Variants in KLLN observed in about 807,000 individuals in gnomAD.
KLLN encodes the protein killin, p53 regulated DNA replication inhibitor.
For missense variants in KLLN, 340 were observed against 241.3 expected (o/e 1.41, Z -2.71); for synonymous variants, 142 against 102.2 (o/e 1.39, Z -2.35).
chr10:87,862,387 G>C lies in KLLN; in HGVS notation c.101C>G (p.Pro34Arg), dbSNP rs1041291843. The C allele has an allele frequency of 1.3e-6, 2 of 1,551,510 alleles. No homozygotes were observed. Among genetic ancestry groups the C allele is most frequent in the African/African-American group, 1.4e-5 (1 of 73,020 alleles). ...WKVRNGRKLQ[P>R]SEWAGRGDLG... ...GTCTCCTCGCCCCGCCCACTCGCTG[G>C]GCTGCAGCTTCCTACCGTTCCGTAC... The change falls in exon 1 of 1, where the codon CCC becomes CGC. Residue 34 changes from proline (P) to arginine (R), a missense_variant. Physicochemically the swap from Pro to Arg is moderately radical, Grantham distance 103. Coordinates refer to ENST00000445946, the MANE Select transcript of KLLN (RefSeq NM_001126049.2).
Position 87,859,227 on chromosome 10 carries a change from A to G in KLLN, c.*2724T>C, listed in dbSNP as rs1479098653. On this transcript the variant is annotated 3_prime_UTR_variant, in exon 1 of 1. Transcript: ENST00000445946. ...TGTTTGTTATTAGGATAAATGAAATAAGGGGAAAACCTCAGACCCTTGGAA... is the reference window on the plus strand; with the variant it reads ...TGTTTGTTATTAGGATAAATGAAATGAGGGGAAAACCTCAGACCCTTGGAA... 6.6e-6 allele frequency: 1 copy of G among 152,218 alleles called. No individual in the cohort carries two copies. 9.4% of individuals were successfully genotyped at this position (152,218 alleles called of 1,614,324 possible).
chr10:87,862,492 C>T lies in KLLN; in HGVS notation c.-5G>A. The stretch of plus-strand genomic sequence containing the variant: ...GCCTGGCCCCGGGCGATCCATCCTG[C>T]CGGGTTTTCACGGCGGCCAAGGGGG... On this transcript the variant is annotated 5_prime_UTR_variant, in exon 1 of 1. Coordinates refer to ENST00000445946, the MANE Select transcript of KLLN (RefSeq NM_001126049.2). The T allele has an allele frequency of 6.5e-7, 1 of 1,538,800 alleles. No individual in the cohort carries two copies. Among genetic ancestry groups the T allele is most frequent in the African/African-American group, 1.4e-5 (1 of 72,618 alleles).
chr10:87,862,092 C>A lies in KLLN; in HGVS notation c.396G>T (p.Trp132Cys). The change falls in exon 1 of 1, where the codon TGG becomes TGT. Residue 132 changes from tryptophan (W) to cysteine (C), a missense_variant. Physicochemically the swap from Trp to Cys is radical, Grantham distance 215. Coordinates refer to ENST00000445946, the MANE Select transcript of KLLN (RefSeq NM_001126049.2). ...TGTTTGGATGTGGGTGCTTGTGTAA[C>A]CAGTTCCCCAAGCGCCAGCCCCGAC... ...ERCRGWRLGN[W>C]LHKHPHPNTC... is the part of the protein sequence containing the mutation. 1 of 1,533,050 alleles carries A rather than the reference C, an allele frequency of 6.5e-7. No homozygotes were observed. Among genetic ancestry groups the A allele is most frequent in the South Asian group, 1.2e-5 (1 of 81,456 alleles). 95.0% of individuals were successfully genotyped at this position (1,533,050 alleles called of 1,614,324 possible).
In KLLN at chr10:87,862,777, G is replaced by A; in HGVS notation, c.-290C>T. 2 of 475,376 alleles carry A rather than the reference G, an allele frequency of 4.2e-6. No homozygotes were observed. Among genetic ancestry groups the A allele is most frequent in the South Asian group, 7.1e-5 (2 of 28,280 alleles). 29.4% of individuals were successfully genotyped at this position (475,376 alleles called of 1,614,324 possible). ...TTCATTTTTAGGGCAAACGAGCCGAGTTACCGGGGAAGCGAGAGGTGGGGC... is the reference window on the plus strand; with the variant it reads ...TTCATTTTTAGGGCAAACGAGCCGAATTACCGGGGAAGCGAGAGGTGGGGC... On this transcript the variant is annotated 5_prime_UTR_variant, in exon 1 of 1. Coordinates refer to ENST00000445946, the MANE Select transcript of KLLN (RefSeq NM_001126049.2).
In KLLN at chr10:87,862,254, G is replaced by C. The variant is rs1020308516; in HGVS notation, c.234C>G (p.Leu78=). 10 of 1,551,730 alleles carry C rather than the reference G, an allele frequency of 6.4e-6. No homozygotes were observed. The highest frequency in any genetic ancestry group is 4.8e-5 in the South Asian group (4 of 84,060). Residue 78 remains leucine, a synonymous_variant, in exon 1 of 1, where the codon CTC becomes CTG. Coordinates refer to ENST00000445946, the MANE Select transcript of KLLN (RefSeq NM_001126049.2). ...ACTTGCCTCCGGAGCTATCACTGGG[G>C]AGTGGGAATTTGGAAAGTTCCCCAA... ...SLVGELSKFP[L]PSDSSGGKSS... is the part of the protein sequence containing the mutation.
At position 87,860,015 on chromosome 10, in the gene KLLN, CAAAAAAAAAAAAAAAAAAAGA is replaced by C. The variant is rs1858230974; in HGVS notation, c.*1915_*1935del. ...CACTCCAGCCTGTGAGACTCCGTCT[CAAAAAAAAAAAAAAAAAAAGA>C]AAAAAAAAAAAAGAACTGAAGTGCT... On this transcript the variant is annotated 3_prime_UTR_variant, in exon 1 of 1. Transcript: ENST00000445946. 2.9e-5 allele frequency: 1 copy of C among 34,324 alleles called. No homozygotes were observed. The highest frequency in any genetic ancestry group is 6.6e-5 in the Non-Finnish European group (1 of 15,186). The allele number at this position is 34,324 out of a possible 1,614,324, so 2.1% of individuals were successfully genotyped here.
In KLLN at chr10:87,862,851, G is replaced by A. The variant is rs1484236035; in HGVS notation, c.-364C>T. 15 of 332,588 alleles carry A rather than the reference G, an allele frequency of 4.5e-5. No homozygotes were observed. Among genetic ancestry groups the A allele is most frequent in the Non-Finnish European group, 4.8e-5 (8 of 167,960 alleles). The allele number at this position is 332,588 out of a possible 1,614,324, so 20.6% of individuals were successfully genotyped here. ...GATACACGCTGGCGACACAATAGCA[G>A]GTTGCTCTTTGTGCTAAGACTGACA... is the stretch of plus-strand genomic sequence containing the variant. On this transcript the variant is annotated 5_prime_UTR_variant, in exon 1 of 1. Transcript: ENST00000445946.
Position 87,859,267 on chromosome 10 carries a change from T to A in KLLN, c.*2684A>T, listed in dbSNP as rs1858219220. The A allele has an allele frequency of 6.6e-6, 1 of 152,186 alleles. No individual in the cohort carries two copies. Among genetic ancestry groups the A allele is most frequent in the Non-Finnish European group, 1.5e-5 (1 of 68,044 alleles). The allele number at this position is 152,186 out of a possible 1,614,324, so 9.4% of individuals were successfully genotyped here. A position where few individuals can be genotyped will look rare whatever the true frequency, so the allele number is the denominator to read the frequency against. On this transcript the variant is annotated 3_prime_UTR_variant, in exon 1 of 1. Coordinates refer to ENST00000445946, the MANE Select transcript of KLLN (RefSeq NM_001126049.2). ...GACCCTTGGAACAATGGGTTTACAT[T>A]CAATCCAATGATTATTATGTTTTTA...
Position 87,862,549 on chromosome 10 carries a change from T to A in KLLN, c.-62A>T. The A allele has an allele frequency of 2.8e-6, 4 of 1,429,892 alleles. No homozygotes were observed. Among genetic ancestry groups the A allele is most frequent in the South Asian group, 1.3e-5 (1 of 74,092 alleles). The allele number at this position is 1,429,892 out of a possible 1,614,324, so 88.6% of individuals were successfully genotyped here. ...GCTAGGTGGTCTCTGAGAACCGAGC[T>A]TGACTCCGACGCCGCGAACCGACCT... On this transcript the variant is annotated 5_prime_UTR_variant, in exon 1 of 1. It adds an upstream start codon to the 5' untranslated region. Transcript: ENST00000445946.
At position 87,863,401 on chromosome 10, in the gene KLLN, G is replaced by A; in HGVS notation, c.-914C>T. ...CTCTGCGCTCGCACCCAGAGCTACCGCTCTGCCCCCTCCTACCGCCCCCTG... is the reference window on the plus strand; with the variant it reads ...CTCTGCGCTCGCACCCAGAGCTACCACTCTGCCCCCTCCTACCGCCCCCTG... On this transcript the variant is annotated 5_prime_UTR_variant, in exon 1 of 1. Transcript: ENST00000445946. 2.8e-6 allele frequency: 1 copy of A among 361,102 alleles called. No homozygotes were observed. The highest frequency in any genetic ancestry group is 5.0e-6 in the Non-Finnish European group (1 of 198,088). The allele number at this position is 361,102 out of a possible 1,614,324, so 22.4% of individuals were successfully genotyped here. A position where few individuals can be genotyped will look rare whatever the true frequency, so the allele number is the denominator to read the frequency against.
rs898641810 is a variant in KLLN at position 87,862,693 on chromosome 10, T to G, written c.-206A>C. ...TTTCAGTTCATTTAGATAGGTGCCC[T>G]TTGGGCCCTTGAAATTCAACGGCTA... On this transcript the variant is annotated 5_prime_UTR_variant, in exon 1 of 1. Coordinates refer to ENST00000445946, the MANE Select transcript of KLLN (RefSeq NM_001126049.2). 3.9e-5 allele frequency: 23 copies of G among 591,674 alleles called. No individual in the cohort carries two copies. The Admixed American group carries it at 6.6e-4, about 17-fold the overall frequency. 36.7% of individuals were successfully genotyped at this position (591,674 alleles called of 1,614,324 possible). A position where few individuals can be genotyped will look rare whatever the true frequency, so the allele number is the denominator to read the frequency against.
Position 87,862,053 on chromosome 10 carries a change from G to A in KLLN, c.435C>T (p.Leu145=). ...KHPHPNTCPR[L]PACWLPPILT... is the part of the protein sequence containing the mutation. The stretch of plus-strand genomic sequence containing the variant: ...GAATCGGCGGCAGCCAGCAGGCGGG[G>A]AGGCGGGGGCACGTGTTTGGATGTG... Residue 145 remains leucine, a synonymous_variant, in exon 1 of 1, where the codon CTC becomes CTT. Transcript: ENST00000445946. The A allele has an allele frequency of 6.7e-7, 1 of 1,493,312 alleles. No homozygotes were observed. Among genetic ancestry groups the A allele is most frequent in the Non-Finnish European group, 8.9e-7 (1 of 1,118,906 alleles). 92.5% of individuals were successfully genotyped at this position (1,493,312 alleles called of 1,614,324 possible).
chr10:87,861,797 G>A lies in KLLN; in HGVS notation c.*154C>T, dbSNP rs1858260332. On this transcript the variant is annotated 3_prime_UTR_variant, in exon 1 of 1. Coordinates refer to ENST00000445946, the MANE Select transcript of KLLN (RefSeq NM_001126049.2). Reference sequence around the variant, plus strand: ...AGAATGCACGCTCTGGGCTGCAGCAGGAGATACCCTCAAGCACAGAACCAA... The same window carrying A: ...AGAATGCACGCTCTGGGCTGCAGCAAGAGATACCCTCAAGCACAGAACCAA... 1.7e-6 allele frequency: 1 copy of A among 580,816 alleles called. No homozygotes were observed. Among genetic ancestry groups the A allele is most frequent in the Non-Finnish European group, 2.8e-6 (1 of 356,240 alleles). 36.0% of individuals were successfully genotyped at this position (580,816 alleles called of 1,614,324 possible). A position where few individuals can be genotyped will look rare whatever the true frequency, so the allele number is the denominator to read the frequency against.
Position 87,859,665 on chromosome 10 carries a change from A to G in KLLN, c.*2286T>C, listed in dbSNP as rs1404913166. 1.3e-5 allele frequency: 2 copies of G among 152,156 alleles called. No individual in the cohort carries two copies. Among genetic ancestry groups the G allele is most frequent in the East Asian group, 1.9e-4 (1 of 5,200 alleles). The allele number at this position is 152,156 out of a possible 1,614,324, so 9.4% of individuals were successfully genotyped here. On this transcript the variant is annotated 3_prime_UTR_variant, in exon 1 of 1. Coordinates refer to ENST00000445946, the MANE Select transcript of KLLN (RefSeq NM_001126049.2). The stretch of plus-strand genomic sequence containing the variant: ...CTACATAGTCACCCTGAAGCTTTAT[A>G]TAATTGTCCCTTTGTTACAAGCTTC...
Position 87,862,400 on chromosome 10 carries a change from T to C in KLLN, c.88A>G (p.Arg30Gly). The change falls in exon 1 of 1, where the codon AGG (arginine) becomes GGG (glycine). Residue 30 changes from arginine (R) to glycine (G), a missense_variant. Arg to Gly is a moderately radical substitution (Grantham distance 125). Coordinates refer to ENST00000445946, the MANE Select transcript of KLLN (RefSeq NM_001126049.2). ...YRVEWKVRNG[R>G]KLQPSEWAGR... ...GCCCACTCGCTGGGCTGCAGCTTCC[T>C]ACCGTTCCGTACTTTCCACTCAACC... is the stretch of plus-strand genomic sequence containing the variant. 6.4e-7 allele frequency: 1 copy of C among 1,551,670 alleles called. No homozygotes were observed. The highest frequency in any genetic ancestry group is 8.7e-7 in the Non-Finnish European group (1 of 1,146,972).
In KLLN at chr10:87,862,176, G is replaced by A. The variant is rs2132137060; in HGVS notation, c.312C>T (p.Pro104=). 3 of 1,551,600 alleles carry A rather than the reference G, an allele frequency of 1.9e-6. No homozygotes were observed. In the South Asian group the frequency reaches 3.6e-5, roughly 18 times the overall value. ...GALAWCRQRN[P]NPSCAAAETG... ...TTTCCGCCGCGGCGCAGGAAGGGTT[G>A]GGGTTCCGCTGCCTGCACCAGGCAA... The change falls in exon 1 of 1, where the codon CCC becomes CCT. Residue 104 remains proline (P), a synonymous_variant. Transcript: ENST00000445946.
At position 87,863,378 on chromosome 10, in the gene KLLN, C is replaced by T; in HGVS notation, c.-891G>A. On this transcript the variant is annotated 5_prime_UTR_variant, in exon 1 of 1. Transcript: ENST00000445946. ...CAGTAGAGCCTGCGGCTTGGGGACT[C>T]TGCGCTCGCACCCAGAGCTACCGCT... is the stretch of plus-strand genomic sequence containing the variant. The T allele has an allele frequency of 2.9e-6, 1 of 345,008 alleles. No homozygotes were observed. Among genetic ancestry groups the T allele is most frequent in the East Asian group, 4.3e-5 (1 of 23,050 alleles). 21.4% of individuals were successfully genotyped at this position (345,008 alleles called of 1,614,324 possible).
Position 87,862,094 on chromosome 10 carries a change from A to C in KLLN, c.394T>G (p.Trp132Gly). 2 of 1,534,282 alleles carry C rather than the reference A, an allele frequency of 1.3e-6. No homozygotes were observed. The highest frequency in any genetic ancestry group is 2.4e-5 in the South Asian group (2 of 81,740). The change falls in exon 1 of 1, where the codon TGG becomes GGG. Residue 132 changes from tryptophan (W) to glycine (G), a missense_variant. Physicochemically the swap from Trp to Gly is radical, Grantham distance 184. Coordinates refer to ENST00000445946, the MANE Select transcript of KLLN (RefSeq NM_001126049.2). ...TTTGGATGTGGGTGCTTGTGTAACC[A>C]GTTCCCCAAGCGCCAGCCCCGACAG... is the stretch of plus-strand genomic sequence containing the variant. ...ERCRGWRLGN[W>G]LHKHPHPNTC...
At position 87,862,570 on chromosome 10, in the gene KLLN, G is replaced by A; in HGVS notation, c.-83C>T. Reference sequence around the variant, plus strand: ...GAGCTTGACTCCGACGCCGCGAACCGACCTGGAGCCCGAGGGGAAAGATGC... The same window carrying A: ...GAGCTTGACTCCGACGCCGCGAACCAACCTGGAGCCCGAGGGGAAAGATGC... On this transcript the variant is annotated 5_prime_UTR_variant, in exon 1 of 1. Coordinates refer to ENST00000445946, the MANE Select transcript of KLLN (RefSeq NM_001126049.2). 1 of 1,288,136 alleles carries A rather than the reference G, an allele frequency of 7.8e-7. No homozygotes were observed. The highest frequency in any genetic ancestry group is 1.1e-6 in the Non-Finnish European group (1 of 942,298). The allele number at this position is 1,288,136 out of a possible 1,614,324, so 79.8% of individuals were successfully genotyped here.
Sources: gnomAD v4.1 joint callset for allele counts on GRCh38, gnomAD v4.1.1 for gene constraint, MANE v1.5 for transcripts, NCBI Gene and HGNC (gene_info 2026-07-23, HGNC 2026-07-21) for gene names.